Variants in MTDH observed in about 807,000 individuals in gnomAD.
The protein encoded by MTDH is metadherin, also known as protein LYRIC.
In MTDH, 34 loss-of-function variants were observed where a neutral mutation model predicts 72.7. The observed-to-expected ratio is 0.47, with a 90% CI of 0.36 to 0.62. MTDH has a LOEUF of 0.62. Among genes scored for constraint, MTDH ranks in the 20% least tolerant of loss-of-function variants. MTDH has a pLI of 0.00. For synonymous variants in MTDH, 266 were observed against 268.9 expected, an observed-to-expected ratio of 0.99 and a Z score of 0.10; for missense variants, 677 against 699.4, an observed-to-expected ratio of 0.97 and a Z score of 0.36.
intron 2 of MTDH, among the ~76,000 whole-genome samples, chr8:97,680,414 C>T (rs1054328740): frequency 3.3e-5 from 5 of 152,130 alleles, no homozygotes; most frequent in Admixed American, 2.6e-4. Context: ...TGCTGTTCCA[C>T]GTGCAAATAT....
chr8:97,723,397 C>CAA (rs1248710757), intron 11 of MTDH, among the ~76,000 whole-genome samples: 3 of 131,608 alleles, frequency 2.3e-5, no homozygotes, highest in Admixed American at 7.9e-5. Flanking sequence ...GACTCCGTCT[C>CAA]AAAAAAAAAA....
chr8:97,718,757 T>A (rs922566963), intron 9 of MTDH, among the ~76,000 whole-genome samples: 1 of 151,720 alleles, frequency 6.6e-6, no homozygotes, highest in South Asian at 2.1e-4. Context: ...AGTACAGTGG[T>A]GTGATCACAG....
chr8:97,715,868 T>A (rs1195217887), intron 9 of MTDH, among the ~76,000 whole-genome samples: 3 of 152,226 alleles, frequency 2.0e-5, no homozygotes, highest in Admixed American at 2.0e-4. Flanking sequence ...GTCATTAACA[T>A]GTGACTGTTT....
chr8:97,667,574 T>A (rs1713821738), intron 2 of MTDH, among the ~76,000 whole-genome samples: 1 of 152,224 alleles, frequency 6.6e-6, no homozygotes, highest in Non-Finnish European at 1.5e-5. Context: ...CAAGCCGTGA[T>A]TATTCAGATT....
chr8:97,719,249 C>T (rs1029666468), intron 10 of MTDH, 60 bp downstream of exon 10: 1 of 1,552,610 alleles, frequency 6.4e-7, no homozygotes, highest in Non-Finnish European at 8.7e-7. Flanking sequence ...AATCCCAGCA[C>T]TTTGAGAGGC....
chr8:97,689,171 T>C, intron 5 of MTDH, 68 bp downstream of exon 5: 2 of 792,940 alleles, frequency 2.5e-6, no homozygotes, highest in African/African-American at 1.7e-5. Flanking sequence ...CATACCTCTT[T>C]CCTCAAATGA....
intron 7 of MTDH, among the ~76,000 whole-genome samples, chr8:97,702,437 T>G (rs1814170349): frequency 6.6e-6 from 1 of 152,176 alleles, no homozygotes; most frequent in African/African-American, 2.4e-5. Context: ...TCCCAAACAG[T>G]ACGGCTGAGA....
At chr8:97,709,918 C>T (rs1165306328) in intron 8 of MTDH, among the ~76,000 whole-genome samples, 1 of 152,100 alleles carries the variant, frequency 6.6e-6, no homozygotes, top group Non-Finnish European at 1.5e-5. Flanking sequence ...AGCATCTTCC[C>T]ATTAACAAAA....
intron 2 of MTDH, among the ~76,000 whole-genome samples, chr8:97,683,561 AT>A (rs879469023): frequency 1.4e-3 from 200 of 142,974 alleles, no homozygotes; most frequent in African/African-American, 1.5e-3. Flanking sequence ...ACCCCCACTG[AT>A]TTTTTTTTTT....
chr8:97,667,918 C>T (rs1216697539), intron 2 of MTDH, among the ~76,000 whole-genome samples: 1 of 150,840 alleles, frequency 6.6e-6, no homozygotes, highest in Non-Finnish European at 1.5e-5. Flanking sequence ...TAAGGAATTT[C>T]TAATGACGTT....
chr8:97,663,804 A>G (rs957825366), intron 2 of MTDH, among the ~76,000 whole-genome samples: 5 of 151,652 alleles, frequency 3.3e-5, no homozygotes, highest in Non-Finnish European at 7.4e-5. Flanking sequence ...ATTTATAGAT[A>G]TTATTTCCTT....
At chr8:97,647,277 A>C (rs1811603438) in intron 1 of MTDH, among the ~76,000 whole-genome samples, 1 of 152,226 alleles carries the variant, frequency 6.6e-6, no homozygotes, top group Non-Finnish European at 1.5e-5. Flanking sequence ...TTAATGATAC[A>C]ACTGGATGTG....
intron 2 of MTDH, among the ~76,000 whole-genome samples, chr8:97,673,385 A>G (rs1472657046): frequency 6.6e-6 from 1 of 152,170 alleles, no homozygotes; most frequent in Non-Finnish European, 1.5e-5. Flanking sequence ...TAGGCCAGGC[A>G]CGGTGGTTCA....
intron 1 of MTDH, among the ~76,000 whole-genome samples, chr8:97,653,447 T>G (rs948031905): frequency 6.6e-6 from 1 of 152,226 alleles, no homozygotes; most frequent in African/African-American, 2.4e-5. Flanking sequence ...CTGAAAATTA[T>G]AATGACCTTA....
intron 3 of MTDH, among the ~76,000 whole-genome samples, chr8:97,687,063 A>G (rs1813395135): frequency 6.6e-6 from 1 of 152,096 alleles, no homozygotes; most frequent in African/African-American, 2.4e-5. Context: ...TGGTTCTTAA[A>G]TATACCATTT....
rs1812159100 is a variant in MTDH, at chr8:97,661,110, T to C, written c.420T>C (p.Ala140=). Residue 140 remains alanine, a synonymous_variant, in exon 2 of 12, where the codon GCT becomes GCC. Transcript: ENST00000336273. ...CTGTTGAAGTGGCTGAGGGTGAAGC[T>C]GTTCGAACACCTCAAAGTGTAACAG... ...GRTVEVAEGE[A]VRTPQSVTAK... The C allele has an allele frequency of 1.9e-6, 3 of 1,613,330 alleles. No individual in the cohort carries two copies. The highest frequency in any genetic ancestry group is 2.5e-6 in the Non-Finnish European group (3 of 1,179,676).
intron 10 of MTDH, among the ~76,000 whole-genome samples, chr8:97,722,537 G>T (rs554098598): frequency 2.0e-5 from 3 of 152,176 alleles, no homozygotes; most frequent in Non-Finnish European, 2.9e-5. Context: ...GGGAGGCGGA[G>T]GTTGCAGTGA....
At chr8:97,689,315 A>G (rs1813489653) in intron 5 of MTDH, among the ~76,000 whole-genome samples, 2 of 152,186 alleles carry the variant, frequency 1.3e-5, no homozygotes, top group Non-Finnish European at 1.5e-5. Flanking sequence ...GATATGTTCT[A>G]GTCTTTTTCC....
chr8:97,656,590 C>T (rs1007114726), intron 1 of MTDH, among the ~76,000 whole-genome samples: 8 of 151,594 alleles, frequency 5.3e-5, no homozygotes, highest in African/African-American at 1.5e-4. Context: ...CGTGAGCCAC[C>T]GTGCCCGGCC....
Sources: gnomAD v4.1 joint callset for allele counts (sites outside exome capture counted in the v4.1 genomes callset) on GRCh38, gnomAD v4.1.1 for gene constraint, MANE v1.5 for transcripts, NCBI Gene and HGNC (gene_info 2026-07-23, HGNC 2026-07-21) for gene names.